Variants in PCDHA4 observed in about 807,000 individuals in gnomAD.
The protein encoded by PCDHA4 is protocadherin alpha-4.
Under a neutral mutation model 61.4 loss-of-function variants are expected in PCDHA4, and 49 were observed. The ratio of observed to expected loss-of-function variants is 0.80; its 90% CI spans 0.63 to 1.01. The LOEUF is 1.01. PCDHA4 is among the 50% of genes least tolerant of loss of function. PCDHA4 has a pLI of 0.00. For missense variants in PCDHA4, 1,254 were observed against 1,235.8 expected (o/e 1.01, Z -0.22); for synonymous variants, 590 against 550.3 (o/e 1.07, Z -1.01).
intron 1 of PCDHA4, among the ~76,000 whole-genome samples, chr5:140,818,668 C>T (rs1766413932): frequency 6.6e-6 from 1 of 152,138 alleles, no homozygotes; most frequent in Non-Finnish European, 1.5e-5. Flanking sequence ...GAGACTCCAT[C>T]TTTACAAAAA....
chr5:140,939,090 A>C (rs1563171940), intron 1 of PCDHA4, among the ~76,000 whole-genome samples: 1 of 152,192 alleles, frequency 6.6e-6, no homozygotes, highest in Non-Finnish European at 1.5e-5. Flanking sequence ...GGGTGGCTTA[A>C]AAACAATAGA....
At chr5:140,890,693 G>C (rs980920550) in intron 1 of PCDHA4, among the ~76,000 whole-genome samples, 7 of 151,828 alleles carry the variant, frequency 4.6e-5, no homozygotes, top group Non-Finnish European at 8.8e-5. Flanking sequence ...GGAAATGCAG[G>C]GACCTTACAT....
intron 1 of PCDHA4, chr5:140,834,613 TA>T: frequency 6.2e-6 from 10 of 1,614,054 alleles, no homozygotes; most frequent in Non-Finnish European, 8.5e-6. Flanking sequence ...CTTCTGGAGG[TA>T]AATCTGCAGA....
intron 1 of PCDHA4, chr5:140,877,033 C>A: frequency 6.2e-7 from 1 of 1,612,480 alleles, no homozygotes; most frequent in East Asian, 2.2e-5. Flanking sequence ...GTACGCGCTG[C>A]AGCCGCTAGA....
intron 1 of PCDHA4, among the ~76,000 whole-genome samples, chr5:140,889,433 G>A (rs994872798): frequency 8.6e-5 from 13 of 151,828 alleles, no homozygotes; most frequent in Non-Finnish European, 1.9e-4. Context: ...TATTTTTTCA[G>A]GTATTTTCCT....
chr5:140,912,723 A>C (rs781874290), intron 1 of PCDHA4, among the ~76,000 whole-genome samples: 21 of 152,256 alleles, frequency 1.4e-4, no homozygotes, highest in Admixed American at 1.1e-3. Context: ...TCCATTCAAT[A>C]TGATGTTGGC....
At chr5:140,834,109 A>G in intron 1 of PCDHA4, 1 of 406,184 alleles carries the variant, frequency 2.5e-6, no homozygotes, top group South Asian at 5.5e-5. Context: ...AAAAATTCAG[A>G]GTTTGAAATA....
chr5:140,967,030 C>T, intron 1 of PCDHA4: 1 of 1,609,320 alleles, frequency 6.2e-7, no homozygotes, highest in Non-Finnish European at 8.5e-7. Flanking sequence ...CCAGTCCGCG[C>T]TACCTGGAGC....
chr5:140,820,670 A>G (rs2150107563), intron 1 of PCDHA4, among the ~76,000 whole-genome samples: 62 of 152,214 alleles, frequency 4.1e-4, no homozygotes, highest in Admixed American at 2.8e-3. Flanking sequence ...TAATATAAAG[A>G]TAGCCTGGTT....
chr5:140,917,334 G>GC (rs1563019411), intron 1 of PCDHA4, among the ~76,000 whole-genome samples: 1 of 147,630 alleles, frequency 6.8e-6, no homozygotes, highest in Non-Finnish European at 1.5e-5. Context: ...CGGGGGAGGG[G>GC]GGGGATGGTG....
chr5:140,991,981 T>TACC (rs1311484629), intron 3 of PCDHA4, among the ~76,000 whole-genome samples: 8 of 152,126 alleles, frequency 5.3e-5, no homozygotes, highest in Admixed American at 2.0e-4. Flanking sequence ...TTATTCTGCC[T>TACC]ACCACCCGGT....
intron 1 of PCDHA4, chr5:140,821,776 A>T: frequency 6.2e-7 from 1 of 1,605,968 alleles, no homozygotes; most frequent in Non-Finnish European, 8.5e-7. Flanking sequence ...CGAGATTGAG[A>T]TGGTATATTC....
At chr5:140,898,705 A>G (rs1351081569) in intron 1 of PCDHA4, among the ~76,000 whole-genome samples, 2 of 152,142 alleles carry the variant, frequency 1.3e-5, no homozygotes, top group African/African-American at 4.8e-5. Flanking sequence ...ACTTTAAAGT[A>G]GTTTTTTCCA....
chr5:140,821,696 T>C (rs1767030213), intron 1 of PCDHA4: 3 of 1,400,466 alleles, frequency 2.1e-6, no homozygotes, highest in Non-Finnish European at 2.9e-6. Flanking sequence ...ATAAAAAATA[T>C]ATAGTTAATT....
At chr5:140,982,217 C>A in intron 2 of PCDHA4, 1 of 507,664 alleles carries the variant, frequency 2.0e-6, no homozygotes, top group Non-Finnish European at 3.1e-6. Flanking sequence ...CGCCACATGG[C>A]GTTAATAAAA....
chr5:140,911,745 A>G (rs573838491), intron 1 of PCDHA4, among the ~76,000 whole-genome samples: 7 of 151,408 alleles, frequency 4.6e-5, no homozygotes, highest in Non-Finnish European at 1.0e-4. Flanking sequence ...AAGGACTATC[A>G]GTGTTCTCCA....
intron 1 of PCDHA4, chr5:140,825,001 T>A (rs2150137915): frequency 6.6e-6 from 1 of 152,108 alleles, no homozygotes; most frequent in Non-Finnish European, 1.5e-5. Context: ...TATACATGGT[T>A]TACTGTTCTA....
intron 1 of PCDHA4, among the ~76,000 whole-genome samples, chr5:140,920,101 G>A (rs880001163): frequency 2.0e-5 from 3 of 152,180 alleles, no homozygotes; most frequent in African/African-American, 7.2e-5. Flanking sequence ...TCTAAAGGGA[G>A]TGCAACCTTG....
intron 1 of PCDHA4, chr5:140,849,802 G>A (rs2041146387): frequency 6.3e-7 from 1 of 1,598,478 alleles, no homozygotes; most frequent in Non-Finnish European, 8.6e-7. Flanking sequence ...CCTTCACTGT[G>A]GGCCACGGCC....
Sources: allele counts gnomAD v4.1 joint callset (sites outside exome capture counted in the v4.1 genomes callset), GRCh38; gene constraint gnomAD v4.1.1; transcripts MANE v1.5; gene names NCBI Gene and HGNC (gene_info 2026-07-23, HGNC 2026-07-21).